C14orf132: variants seen among roughly 807,000 people sequenced by gnomAD.
The protein encoded by C14orf132 is chromosome 14 open reading frame 132, also known as uncharacterized protein C14orf132.
A neutral mutation model predicts 5.8 loss-of-function variants in C14orf132; 6 were observed. The observed-to-expected ratio is 1.03, with a 90% CI of 0.57 to 2.04. The LOEUF is 2.04. Among genes scored for constraint, C14orf132 ranks in the 30% most tolerant of loss-of-function variants. The probability of loss-of-function intolerance (pLI) is 0.00; values close to 1 mark genes in which losing one functional copy is unlikely to be tolerated. For synonymous variants in C14orf132, 51 were observed against 49.8 expected (o/e 1.02, Z -0.10); for missense variants, 125 against 115.8 (o/e 1.08, Z -0.37).
intron 1 of C14orf132, among the ~76,000 whole-genome samples, chr14:96,041,621 G>A (rs181725732): frequency 3.8e-4 from 58 of 152,276 alleles, no homozygotes; most frequent in African/African-American, 1.4e-3. Flanking sequence ...GCAATACTTC[G>A]CAGTGCTTGG....
rs937281109 is a variant in C14orf132, at chr14:96,039,555, C to T, written c.27+28C>T. The T allele has an allele frequency of 6.7e-7, 1 of 1,496,338 alleles. No homozygotes were observed. The highest frequency in any genetic ancestry group is 2.7e-5 in the East Asian group (1 of 36,818). The allele number at this position is 1,496,338 out of a possible 1,614,324, so 92.7% of individuals were successfully genotyped here. ...AACGGGGCGTCCCCCCCACGCGCCC[C>T]GGGCCGCCAAGTTTGGGGAGGTTCG... On this transcript the variant is annotated intron_variant, in intron 1 of 1. Transcript: ENST00000555004. The surrounding 1 kb of genome is among the most constrained non-coding windows in gnomAD (Gnocchi z 5.3).
rs1888431197 is a variant in C14orf132, at chr14:96,092,250, C to T, written c.*5515C>T. On this transcript the variant is annotated 3_prime_UTR_variant, in exon 2 of 2. Coordinates refer to ENST00000555004, the MANE Select transcript of C14orf132 (RefSeq NM_001252507.3). Reference sequence around the variant, plus strand: ...TCCCCGGGGGATTCTGGATGCTGGTCTTTTGACCGTGGCGGCAGCCTCGCG... The same window carrying T: ...TCCCCGGGGGATTCTGGATGCTGGTTTTTTGACCGTGGCGGCAGCCTCGCG... The T allele has an allele frequency of 6.6e-6, 1 of 152,216 alleles. No homozygotes were observed. The highest frequency in any genetic ancestry group is 2.4e-5 in the African/African-American group (1 of 41,446). The allele number at this position is 152,216 out of a possible 1,614,324, so 9.4% of individuals were successfully genotyped here. A position where few individuals can be genotyped will look rare whatever the true frequency, so the allele number is the denominator to read the frequency against.
intron 1 of C14orf132, among the ~76,000 whole-genome samples, chr14:96,052,700 C>G (rs546028587): frequency 1.3e-5 from 2 of 152,196 alleles, no homozygotes; most frequent in Admixed American, 1.3e-4. Flanking sequence ...CCAAGTCCCC[C>G]ACCCTTGCCC....
At chr14:96,070,051 C>T (rs939379019) in intron 1 of C14orf132, among the ~76,000 whole-genome samples, 4 of 152,140 alleles carry the variant, frequency 2.6e-5, no homozygotes, top group African/African-American at 7.2e-5. Flanking sequence ...GAAGAGGGGC[C>T]GACTTTTGTA....
rs1286097910 is a variant in C14orf132 at position 96,049,565 on chromosome 14, TATATAC to T, written c.27+10044_27+10049del. On this transcript the variant is annotated intron_variant, in intron 1 of 1. Transcript: ENST00000555004. ...ACGTATATATATACATATATACGTA[TATATAC>T]ATATATACGTATATATATACATATA... Among the ~76,000 whole-genome samples the T allele has an allele frequency of 3.0e-5, 4 of 132,416 alleles. 1 individual carries two copies. Among genetic ancestry groups the T allele is most frequent in the Non-Finnish European group, 1.7e-5 (1 of 59,658 alleles). The allele number at this position is 132,416 out of a possible 152,430, so 86.9% of individuals were successfully genotyped here. A position where few individuals can be genotyped will look rare whatever the true frequency, so the allele number is the denominator to read the frequency against.
chr14:96,086,977 A>G lies in C14orf132; in HGVS notation c.*242A>G. ...AGGCATGACGGGGCAAGGCCTTCAG[A>G]GGGCAGATTGGGGATCCTTGAAACT... is the stretch of plus-strand genomic sequence containing the variant. On this transcript the variant is annotated 3_prime_UTR_variant, in exon 2 of 2. Transcript: ENST00000555004. 1.8e-6 allele frequency: 1 copy of G among 556,094 alleles called. No homozygotes were observed. The highest frequency in any genetic ancestry group is 3.2e-6 in the Non-Finnish European group (1 of 313,310). The allele number at this position is 556,094 out of a possible 1,614,324, so 34.4% of individuals were successfully genotyped here. A position where few individuals can be genotyped will look rare whatever the true frequency, so the allele number is the denominator to read the frequency against.
chr14:96,091,275 C>T lies in C14orf132; in HGVS notation c.*4540C>T, dbSNP rs956482041. On this transcript the variant is annotated 3_prime_UTR_variant, in exon 2 of 2. Coordinates refer to ENST00000555004, the MANE Select transcript of C14orf132 (RefSeq NM_001252507.3). ...TCCTGAAGAGCTTATAGCCAGATTG[C>T]CACATTCAAGTGTAAGTCCAGGAAA... The T allele has an allele frequency of 2.0e-5, 7 of 345,264 alleles. No individual in the cohort carries two copies. The highest frequency in any genetic ancestry group is 1.5e-4 in the African/African-American group (7 of 46,602). The allele number at this position is 345,264 out of a possible 1,614,324, so 21.4% of individuals were successfully genotyped here.
At chr14:96,046,108 G>T (rs1386197401) in intron 1 of C14orf132, among the ~76,000 whole-genome samples, 2 of 152,184 alleles carry the variant, frequency 1.3e-5, no homozygotes, top group Non-Finnish European at 2.9e-5. Flanking sequence ...AGCAGTTCCA[G>T]GTAGAAGCTG....
intron 1 of C14orf132, among the ~76,000 whole-genome samples, chr14:96,050,718 G>T (rs548452463): frequency 3.3e-5 from 5 of 151,718 alleles, no homozygotes; most frequent in African/African-American, 1.2e-4. Flanking sequence ...CCATGGCCTG[G>T]AAACTTTCCA....
chr14:96,044,683 C>T (rs1886786663), intron 1 of C14orf132, among the ~76,000 whole-genome samples: 1 of 152,122 alleles, frequency 6.6e-6, no homozygotes. Flanking sequence ...TGTTCCAGGC[C>T]ACTCTCTTGG....
intron 1 of C14orf132, among the ~76,000 whole-genome samples, chr14:96,075,327 G>A (rs1887830024): frequency 6.6e-6 from 1 of 152,086 alleles, no homozygotes. Context: ...TTTCTGTATA[G>A]ACAATCATTT....
At chr14:96,051,255 G>A (rs1887018151) in intron 1 of C14orf132, 3 of 398,670 alleles carry the variant, frequency 7.5e-6, no homozygotes, top group Non-Finnish European at 8.8e-6. Flanking sequence ...ATGAGACATT[G>A]AGGGAGCCAG....
At chr14:96,066,507 T>A (rs1887532282) in intron 1 of C14orf132, among the ~76,000 whole-genome samples, 1 of 152,090 alleles carries the variant, frequency 6.6e-6, no homozygotes, top group Non-Finnish European at 1.5e-5. Context: ...ACACAGAAAA[T>A]AGAGCCAGCT....
intron 1 of C14orf132, among the ~76,000 whole-genome samples, chr14:96,063,634 A>C (rs752320331): frequency 2.0e-5 from 3 of 152,156 alleles, no homozygotes; most frequent in African/African-American, 4.8e-5. Context: ...GAGGAACAAC[A>C]AAAGTTACGT....
chr14:96,040,635 G>C (rs1595163357), intron 1 of C14orf132, among the ~76,000 whole-genome samples: 2 of 152,126 alleles, frequency 1.3e-5, no homozygotes, highest in African/African-American at 4.8e-5. Flanking sequence ...TCTGCAAATG[G>C]AGGCTTAAAA....
chr14:96,056,195 G>A (rs985259434), intron 1 of C14orf132, among the ~76,000 whole-genome samples: 36 of 152,344 alleles, frequency 2.4e-4, no homozygotes, highest in African/African-American at 7.9e-4. Context: ...CAATTTGCAA[G>A]CCTCTTGCAG....
At chr14:96,054,925 T>G (rs1887134672) in intron 1 of C14orf132, among the ~76,000 whole-genome samples, 1 of 152,252 alleles carries the variant, frequency 6.6e-6, no homozygotes, top group South Asian at 2.1e-4. Flanking sequence ...TGACTCATTC[T>G]GAGAGGAGAT....
At chr14:96,049,619 CGT>C (rs1886961784) in intron 1 of C14orf132, among the ~76,000 whole-genome samples, 1 of 91,718 alleles carries the variant, frequency 1.1e-5, no homozygotes, top group South Asian at 3.0e-4. Flanking sequence ...TACATATATA[CGT>C]ATATATATAC....
Position 96,073,655 on chromosome 14 carries a change from C to T in C14orf132, c.28-12856C>T, listed in dbSNP as rs547830406. ...CCTCAAAGATCTAGAAGCAGAAATACCATTTGACCCAGCAATCCCATTATT... is the reference window on the plus strand; with the variant it reads ...CCTCAAAGATCTAGAAGCAGAAATATCATTTGACCCAGCAATCCCATTATT... On this transcript the variant is annotated intron_variant, in intron 1 of 1. Transcript: ENST00000555004. 3.0e-4 allele frequency among the ~76,000 whole-genome samples: 46 copies of T among 152,264 alleles called. No homozygotes were observed. In the South Asian group the frequency reaches 9.3e-3, roughly 31 times the overall value.
Sources: gnomAD v4.1 joint callset for allele counts (sites outside exome capture counted in the v4.1 genomes callset) on GRCh38, gnomAD v4.1.1 for gene constraint, Gnocchi (gnomAD v3.1) non-coding constraint, MANE v1.5 for transcripts, NCBI Gene and HGNC (gene_info 2026-07-23, HGNC 2026-07-21) for gene names.